The following TMEM178B variants were observed in gnomAD, a reference collection of about 807,000 sequenced individuals.
TMEM178B encodes transmembrane protein 178B.
A neutral mutation model predicts 31.0 loss-of-function variants in TMEM178B; 5 were observed. The ratio of observed to expected loss-of-function variants is 0.16; its 90% CI spans 0.08 to 0.34. The LOEUF (loss-of-function observed/expected upper bound fraction) is 0.34. TMEM178B is among the 10% of genes least tolerant of loss of function. The probability of loss-of-function intolerance (pLI) is 1.00; values close to 1 mark genes in which losing one functional copy is unlikely to be tolerated. For synonymous variants in TMEM178B, 164 were observed against 164.0 expected, an observed-to-expected ratio of 1.00 and a Z score of 0.00; for missense variants, 275 against 400.3, an observed-to-expected ratio of 0.69 and a Z score of 2.67.
intron 2 of TMEM178B, among the ~76,000 whole-genome samples, chr7:141,242,981 T>C (rs1469607832): frequency 6.6e-6 from 1 of 152,186 alleles, no homozygotes; most frequent in African/African-American, 2.4e-5. Context: ...TCCTTTTGCA[T>C]CTGATTTTCT....
chr7:141,341,242 A>G (rs145953401), intron 2 of TMEM178B, among the ~76,000 whole-genome samples: 134 of 152,360 alleles, frequency 8.8e-4, no homozygotes, highest in African/African-American at 3.1e-3. Flanking sequence ...AAGGAATAAG[A>G]TGACATCTAA....
chr7:141,347,214 C>G (rs551974265), intron 2 of TMEM178B, among the ~76,000 whole-genome samples: 2 of 152,094 alleles, frequency 1.3e-5, no homozygotes, highest in Admixed American at 6.5e-5. Context: ...AGAACGAGAA[C>G]AGCCTAATAT....
At chr7:141,104,113 T>G (rs2129174204) in intron 1 of TMEM178B, among the ~76,000 whole-genome samples, 1 of 152,262 alleles carries the variant, frequency 6.6e-6, no homozygotes, top group East Asian at 1.9e-4. Context: ...GGTCAGAAAT[T>G]TTATGAGTTT....
Position 141,288,465 on chromosome 7 carries a change from C to T in TMEM178B, c.496+75761C>T, listed in dbSNP as rs566079511. On this transcript the variant is annotated intron_variant, in intron 2 of 3. Coordinates refer to ENST00000565468, the MANE Select transcript of TMEM178B (RefSeq NM_001195278.2). Reference sequence around the variant, plus strand: ...CTACCTACAAAGATAAGCAGAGCATCCCTGTCCGGAAAAAAATGAAAAAAA... The same window carrying T: ...CTACCTACAAAGATAAGCAGAGCATTCCTGTCCGGAAAAAAATGAAAAAAA... Among the ~76,000 whole-genome samples the T allele has an allele frequency of 6.3e-3, 941 of 150,080 alleles. 12 individuals are homozygous for T. The highest frequency in any genetic ancestry group is 0.022 in the African/African-American group (900 of 40,546).
At chr7:141,386,278 A>T (rs1248230343) in intron 2 of TMEM178B, among the ~76,000 whole-genome samples, 1 of 152,178 alleles carries the variant, frequency 6.6e-6, no homozygotes, top group Non-Finnish European at 1.5e-5. Context: ...GTGCCATTCT[A>T]TACAAAGGGT....
rs558860147 is a variant in TMEM178B, at chr7:141,417,226, T to C, written c.497-20382T>C. On this transcript the variant is annotated intron_variant, in intron 2 of 3. Transcript: ENST00000565468. ...GGAATAGATGGATTCCTTCATCCCA[T>C]AGAGATTTAGAGCTTCTGCTATGTC... Among the ~76,000 whole-genome samples the C allele has an allele frequency of 3.1e-4, 47 of 152,246 alleles. 1 individual carries two copies. In the South Asian group the frequency reaches 9.5e-3, roughly 31 times the overall value.
chr7:141,470,906 G>C lies in TMEM178B; in HGVS notation c.*120G>C. On this transcript the variant is annotated 3_prime_UTR_variant, in exon 4 of 4. Coordinates refer to ENST00000565468, the MANE Select transcript of TMEM178B (RefSeq NM_001195278.2). ...CCAAGGTAGAGTTGAGTTGGCTCAG[G>C]CACCTGCATCTCGCCGGACTTTGTG... 3.5e-6 allele frequency: 2 copies of C among 567,112 alleles called. No individual in the cohort carries two copies. The highest frequency in any genetic ancestry group is 4.6e-6 in the Non-Finnish European group (2 of 433,754). 35.1% of individuals were successfully genotyped at this position (567,112 alleles called of 1,614,324 possible). A position where few individuals can be genotyped will look rare whatever the true frequency, so the allele number is the denominator to read the frequency against.
chr7:141,338,677 G>C (rs1484423201), intron 2 of TMEM178B, among the ~76,000 whole-genome samples: 1 of 152,180 alleles, frequency 6.6e-6, no homozygotes, highest in Admixed American at 6.5e-5. Context: ...TGAATTTGCA[G>C]GGAGGGCAGT....
chr7:141,248,791 C>G (rs1586849713), intron 2 of TMEM178B, among the ~76,000 whole-genome samples: 1 of 152,168 alleles, frequency 6.6e-6, no homozygotes, highest in African/African-American at 2.4e-5. Context: ...TTTGTATACA[C>G]TACTGTAGGC....
chr7:141,109,687 AAAGT>A (rs1387757283), intron 1 of TMEM178B, among the ~76,000 whole-genome samples: 1 of 152,186 alleles, frequency 6.6e-6, no homozygotes, highest in Non-Finnish European at 1.5e-5. Flanking sequence ...TGTGGAAAGA[AAAGT>A]AAGTCCCATG....
chr7:141,100,905 G>A (rs1427311017), intron 1 of TMEM178B, among the ~76,000 whole-genome samples: 1 of 152,110 alleles, frequency 6.6e-6, no homozygotes, highest in Non-Finnish European at 1.5e-5. Context: ...AAGTACTAAA[G>A]GGCTTTGAGG....
At chr7:141,213,116 G>A (rs115172312) in intron 2 of TMEM178B, among the ~76,000 whole-genome samples, 98 of 152,292 alleles carry the variant, frequency 6.4e-4, no homozygotes, top group African/African-American at 2.3e-3. Flanking sequence ...TAAAGGATGA[G>A]ACCAGCTGGT....
intron 2 of TMEM178B, among the ~76,000 whole-genome samples, chr7:141,362,124 G>C (rs1055855234): frequency 2.0e-5 from 3 of 152,164 alleles, no homozygotes; most frequent in African/African-American, 7.2e-5. Context: ...TTAGCGCATC[G>C]AGTCATGGCA....
At chr7:141,241,213 C>G (rs1278301419) in intron 2 of TMEM178B, among the ~76,000 whole-genome samples, 1 of 151,766 alleles carries the variant, frequency 6.6e-6, no homozygotes, top group Non-Finnish European at 1.5e-5. Flanking sequence ...TTATATCACT[C>G]TGTATGCCTT....
intron 2 of TMEM178B, among the ~76,000 whole-genome samples, chr7:141,346,382 T>C (rs1328429625): frequency 6.6e-6 from 1 of 152,222 alleles, no homozygotes; most frequent in Non-Finnish European, 1.5e-5. Flanking sequence ...AACTTTTACT[T>C]CAACCCTGAT....
At chr7:141,385,435 A>G (rs768776321) in intron 2 of TMEM178B, among the ~76,000 whole-genome samples, 1 of 152,204 alleles carries the variant, frequency 6.6e-6, no homozygotes, top group South Asian at 2.1e-4. Flanking sequence ...CACAACCCAG[A>G]TATTTGGGCT....
In TMEM178B at chr7:141,172,326, G is replaced by A. The variant is rs180980707; in HGVS notation, c.383-40265G>A. ...TGCTGCCTGGGAGGATATTAATCAT[G>A]TTACATAGGGAGTACCAGACTCCAT... On this transcript the variant is annotated intron_variant, in intron 1 of 3. Transcript: ENST00000565468. Among the ~76,000 whole-genome samples, 230 of 152,340 alleles carry A rather than the reference G, an allele frequency of 1.5e-3. 2 individuals carry two copies. Among genetic ancestry groups the A allele is most frequent in the East Asian group, 4.0e-3 (21 of 5,192 alleles).
At chr7:141,349,839 C>T (rs1216342909) in intron 2 of TMEM178B, among the ~76,000 whole-genome samples, 1 of 152,186 alleles carries the variant, frequency 6.6e-6, no homozygotes, top group East Asian at 1.9e-4. Flanking sequence ...TAGTGTTAAA[C>T]TGCATGGTCA....
intron 2 of TMEM178B, among the ~76,000 whole-genome samples, chr7:141,222,033 GTA>G (rs1797265341): frequency 6.7e-6 from 1 of 149,078 alleles, no homozygotes; most frequent in Non-Finnish European, 1.5e-5. Flanking sequence ...GGTGTGGATC[GTA>G]GTGGTCAGAG....
Sources: allele counts gnomAD v4.1 joint callset (sites outside exome capture counted in the v4.1 genomes callset), GRCh38; gene constraint gnomAD v4.1.1; transcripts MANE v1.5; gene names NCBI Gene and HGNC (gene_info 2026-07-23, HGNC 2026-07-21).